The following ERBB4 variants were observed in gnomAD, a reference collection of about 807,000 sequenced individuals.
ERBB4 encodes the protein erb-b2 receptor tyrosine kinase 4, also known as receptor tyrosine-protein kinase erbB-4.
Under a neutral mutation model 158.0 loss-of-function variants are expected in ERBB4, and 42 were observed. That is an observed-to-expected ratio of 0.27 (90% CI 0.21 to 0.34). The LOEUF (loss-of-function observed/expected upper bound fraction) is 0.34. Ranked by LOEUF, ERBB4 falls within the 10% of genes least tolerant of loss-of-function variation. The pLI is 1.00. For synonymous variants in ERBB4, 583 were observed against 558.7 expected (o/e 1.04, Z -0.61); for missense variants, 1,333 against 1,624.1 (o/e 0.82, Z 3.08).
intron 1 of ERBB4, among the ~76,000 whole-genome samples, chr2:212,203,256 A>T (rs1259183526): frequency 6.6e-6 from 1 of 152,166 alleles, no homozygotes; most frequent in Non-Finnish European, 1.5e-5. Context: ...TTTTGAGTAA[A>T]AACCTAAAAC....
chr2:211,671,869 A>G (rs1245448550), intron 14 of ERBB4, among the ~76,000 whole-genome samples: 3 of 152,132 alleles, frequency 2.0e-5, no homozygotes, highest in Non-Finnish European at 2.9e-5. Flanking sequence ...TCACACTGTT[A>G]GTTAATTGTA....
intron 7 of ERBB4, among the ~76,000 whole-genome samples, chr2:211,721,969 C>T (rs1384333750): frequency 3.9e-5 from 6 of 152,074 alleles, no homozygotes; most frequent in Non-Finnish European, 1.5e-5. Context: ...TTCAAACCAT[C>T]CTCCTGTCTC....
chr2:212,471,512 G>C (rs1455826739), intron 1 of ERBB4, among the ~76,000 whole-genome samples: 1 of 151,826 alleles, frequency 6.6e-6, no homozygotes, highest in Admixed American at 6.6e-5. Flanking sequence ...AATTAAGTAT[G>C]ATCTATCCAA....
At chr2:211,731,888 C>A (rs1329470697) in intron 5 of ERBB4, among the ~76,000 whole-genome samples, 1 of 152,082 alleles carries the variant, frequency 6.6e-6, no homozygotes, top group Non-Finnish European at 1.5e-5. Flanking sequence ...AATAATTGAA[C>A]ACATTTGTGT....
At chr2:211,842,125 T>C (rs1476277585) in intron 3 of ERBB4, among the ~76,000 whole-genome samples, 1 of 152,074 alleles carries the variant, frequency 6.6e-6, no homozygotes, top group Non-Finnish European at 1.5e-5. Context: ...GATTATAGAT[T>C]ACTCTTAAAG....
intron 1 of ERBB4, among the ~76,000 whole-genome samples, chr2:212,172,274 C>T (rs2081540381): frequency 1.4e-5 from 2 of 141,162 alleles, no homozygotes. Flanking sequence ...CAGATGCTGC[C>T]AAGGTTGTGG....
intron 5 of ERBB4, among the ~76,000 whole-genome samples, chr2:211,729,048 C>A (rs999909248): frequency 1.3e-4 from 19 of 151,640 alleles, no homozygotes; most frequent in Middle Eastern, 3.4e-3. Context: ...GATTCAATAG[C>A]AATTATTATA....
At chr2:211,988,436 T>C (rs748815236) in intron 2 of ERBB4, among the ~76,000 whole-genome samples, 12 of 152,142 alleles carry the variant, frequency 7.9e-5, no homozygotes, top group Non-Finnish European at 1.3e-4. Flanking sequence ...CAGTGTCTGT[T>C]ATATAGTAAG....
At chr2:211,810,673 T>TC (rs1414510610) in intron 3 of ERBB4, among the ~76,000 whole-genome samples, 9 of 145,546 alleles carry the variant, frequency 6.2e-5, no homozygotes, top group Non-Finnish European at 1.4e-4. Flanking sequence ...TTTTTTTTTT[T>TC]TTTTTTTTTT....
intron 3 of ERBB4, among the ~76,000 whole-genome samples, chr2:211,827,326 A>G (rs2077123686): frequency 6.6e-6 from 1 of 151,990 alleles, no homozygotes; most frequent in South Asian, 2.1e-4. Context: ...GGACAGGGTT[A>G]TTTCCTTCTG....
intron 2 of ERBB4, among the ~76,000 whole-genome samples, chr2:212,059,792 C>T (rs1192609731): frequency 6.6e-5 from 10 of 152,080 alleles, no homozygotes; most frequent in South Asian, 4.2e-4. Context: ...AAAATTAATT[C>T]GAGATGGATT....
At chr2:211,527,935 AAAG>A (rs1190412253) in intron 20 of ERBB4, among the ~76,000 whole-genome samples, 1 of 152,042 alleles carries the variant, frequency 6.6e-6, no homozygotes, top group Non-Finnish European at 1.5e-5. Context: ...GAAAGACAGG[AAAG>A]AAGGAAAGAA....
intron 3 of ERBB4, among the ~76,000 whole-genome samples, chr2:211,875,537 C>T (rs951573360): frequency 1.3e-5 from 2 of 152,074 alleles, no homozygotes; most frequent in Non-Finnish European, 2.9e-5. Flanking sequence ...TGATGGTGGT[C>T]TCATAAGATT....
intron 3 of ERBB4, among the ~76,000 whole-genome samples, chr2:211,862,904 G>A (rs186289199): frequency 2.0e-5 from 3 of 151,786 alleles, no homozygotes; most frequent in East Asian, 1.9e-4. Context: ...ACCAATCAGC[G>A]CTCTGTGTCT....
intron 1 of ERBB4, among the ~76,000 whole-genome samples, chr2:212,440,839 T>G (rs1385220556): frequency 6.6e-6 from 1 of 152,176 alleles, no homozygotes; most frequent in African/African-American, 2.4e-5. Context: ...CCAAGGAACG[T>G]AATGAAACTG....
At chr2:212,147,197 G>T (rs1306563262) in intron 1 of ERBB4, among the ~76,000 whole-genome samples, 8 of 98,544 alleles carry the variant, frequency 8.1e-5, no homozygotes, top group Admixed American at 4.1e-4. Context: ...GTAGAGATGG[G>T]GTTTTGCCAT....
intron 4 of ERBB4, among the ~76,000 whole-genome samples, chr2:211,772,814 TATATATATATATATATATATACAC>T (rs1489359893): frequency 0.19 from 5,018 of 26,652 alleles, 626 homozygotes; most frequent in Non-Finnish European, 0.22. Context: ...CTGGGATATA[TATATATATATATATATATATACAC>T]ATATATATAT....
intron 2 of ERBB4, among the ~76,000 whole-genome samples, chr2:212,045,179 G>T (rs909374275): frequency 8.5e-5 from 13 of 152,174 alleles, no homozygotes; most frequent in African/African-American, 2.9e-4. Context: ...ATAAAACTAG[G>T]CTGGGTGCAG....
intron 19 of ERBB4, among the ~76,000 whole-genome samples, chr2:211,568,401 A>G (rs1471361925): frequency 6.6e-6 from 1 of 152,124 alleles, no homozygotes; most frequent in Admixed American, 6.5e-5. Flanking sequence ...TTGTACAATA[A>G]TAAGTGAGCA....
Sources: gnomAD v4.1 joint callset for allele counts (sites outside exome capture counted in the v4.1 genomes callset) on GRCh38, gnomAD v4.1.1 for gene constraint, MANE v1.5 for transcripts, NCBI Gene and HGNC (gene_info 2026-07-23, HGNC 2026-07-21) for gene names.